Variants in FOXN4 observed in about 807,000 individuals in gnomAD.
The protein encoded by FOXN4 is forkhead box N4, also known as forkhead box protein N4.
In FOXN4, 12 loss-of-function variants were observed where a neutral mutation model predicts 45.0. That is an observed-to-expected ratio of 0.27 (90% CI 0.17 to 0.43). FOXN4 has a LOEUF of 0.43. Among genes scored for constraint, FOXN4 ranks in the 20% least tolerant of loss-of-function variants. FOXN4 has a pLI of 1.00. For synonymous variants in FOXN4, 297 were observed against 295.0 expected, an observed-to-expected ratio of 1.01 and a Z score of -0.07; for missense variants, 560 against 694.9, an observed-to-expected ratio of 0.81 and a Z score of 2.18.
chr12:109,290,121 T>A lies in FOXN4; in HGVS notation c.232+20A>T, dbSNP rs1316504106. ...CTCCTATATCACCCTCCTCCCTGCC[T>A]ACCTTGTCCCTGAGCCTACCTGGGT... is the stretch of plus-strand genomic sequence containing the variant. On this transcript the variant is annotated intron_variant, in intron 3 of 9. Transcript: ENST00000299162. The surrounding 1 kb of genome is among the most constrained non-coding windows in gnomAD (Gnocchi z 5.1). 6.5e-7 allele frequency: 1 copy of A among 1,530,098 alleles called. No homozygotes were observed. Among genetic ancestry groups the A allele is most frequent in the Non-Finnish European group, 8.8e-7 (1 of 1,134,728 alleles). 94.8% of individuals were successfully genotyped at this position (1,530,098 alleles called of 1,614,324 possible).
At position 109,285,375 on chromosome 12, in the gene FOXN4, T is replaced by C. The variant is rs1165912939; in HGVS notation, c.830A>G (p.Lys277Arg). ...CCACTTGTGCATCTCCTCCTCCATC[T>C]TGTCGATGCGGGCCAGGTTCAGAGC... ...LWALNLARID[K>R]MEEEMHKWKR... Residue 277 changes from lysine to arginine, a missense_variant, in exon 8 of 10, where the codon AAG becomes AGG. Coordinates refer to ENST00000299162, the MANE Select transcript of FOXN4 (RefSeq NM_213596.3). 2.5e-6 allele frequency: 4 copies of C among 1,613,990 alleles called. No homozygotes were observed. The highest frequency in any genetic ancestry group is 2.5e-6 in the Non-Finnish European group (3 of 1,179,882).
At position 109,283,440 on chromosome 12, in the gene FOXN4, T is replaced by C. The variant is rs1327835572; in HGVS notation, c.902-1641A>G. ...AATATGATCTTGCTGTGGATATTGA[T>C]TATAACCTGCCCCTTTTCACTTATT... On this transcript the variant is annotated intron_variant, in intron 8 of 9. Transcript: ENST00000299162. Among the ~76,000 whole-genome samples the C allele has an allele frequency of 2.0e-5, 3 of 152,038 alleles. No homozygotes were observed. In the East Asian group the frequency reaches 5.8e-4, roughly 29 times the overall value.
intron 8 of FOXN4, 21 bp from the exon 9 acceptor site, chr12:109,281,820 T>C: frequency 6.5e-7 from 1 of 1,546,590 alleles, no homozygotes; most frequent in South Asian, 1.2e-5. Flanking sequence ...GTGGGAGAGG[T>C]CACTCAGAAC....
rs912896989 is a variant in FOXN4, at chr12:109,308,211, AGTTT to A, written c.86+21_86+24del. On this transcript the variant is annotated intron_variant, in intron 2 of 9. Transcript: ENST00000299162. ...CACTTTGAGCAATTAAAAAATATAT[AGTTT>A]GTTATTGTTGGAGCCCTCACCTGTA... The A allele has an allele frequency of 1.8e-5, 28 of 1,514,488 alleles. No homozygotes were observed. The African/African-American group carries it at 3.6e-4, about 20-fold the overall frequency. The allele number at this position is 1,514,488 out of a possible 1,614,324, so 93.8% of individuals were successfully genotyped here. A position where few individuals can be genotyped will look rare whatever the true frequency, so the allele number is the denominator to read the frequency against.
Position 109,281,810 on chromosome 12 carries a change from G to A in FOXN4, c.902-11C>T, listed in dbSNP as rs2047656105. 4.5e-6 allele frequency: 7 copies of A among 1,553,578 alleles called. No individual in the cohort carries two copies. The highest frequency in any genetic ancestry group is 6.1e-6 in the Non-Finnish European group (7 of 1,154,090). ...GCTTGTCCAACTCCTCTGCAGGCAAGTGGGAGAGGTCACTCAGAACCCACC... is the reference window on the plus strand; with the variant it reads ...GCTTGTCCAACTCCTCTGCAGGCAAATGGGAGAGGTCACTCAGAACCCACC... On this transcript the variant is annotated splice_polypyrimidine_tract_variant and intron_variant, in intron 8 of 9. Coordinates refer to ENST00000299162, the MANE Select transcript of FOXN4 (RefSeq NM_213596.3).
chr12:109,296,723 C>T (rs1437382689), intron 2 of FOXN4, among the ~76,000 whole-genome samples: 2 of 152,172 alleles, frequency 1.3e-5, no homozygotes, highest in Non-Finnish European at 2.9e-5. Context: ...CTCCCAGTGC[C>T]CAGCACAGGG....
chr12:109,293,057 G>T (rs1214457549), intron 2 of FOXN4, among the ~76,000 whole-genome samples: 1 of 151,992 alleles, frequency 6.6e-6, no homozygotes, highest in Non-Finnish European at 1.5e-5. Context: ...CTTTGCATTT[G>T]CCGTTCCCCT....
chr12:109,285,273 G>T, intron 8 of FOXN4, 31 bp downstream of exon 8: 1 of 1,489,282 alleles, frequency 6.7e-7, no homozygotes, highest in Non-Finnish European at 9.1e-7. Flanking sequence ...GTGTGTGTGT[G>T]TGCGCGCACT....
In FOXN4 at chr12:109,287,342, A is replaced by G. The variant is rs1262290389; in HGVS notation, c.596+55T>C. ...TCTGAGATGCCCTGAGGGCAGCCTC[A>G]TCCCTCTCTCCCGGAGCCGCCCTTG... On this transcript the variant is annotated intron_variant, in intron 6 of 9. Coordinates refer to ENST00000299162, the MANE Select transcript of FOXN4 (RefSeq NM_213596.3). The surrounding 1 kb of genome is among the most constrained non-coding windows in gnomAD (Gnocchi z 4.1). 16 of 1,546,382 alleles carry G rather than the reference A, an allele frequency of 1.0e-5. No homozygotes were observed. The highest frequency in any genetic ancestry group is 7.0e-6 in the Non-Finnish European group (8 of 1,143,688).
In FOXN4 at chr12:109,289,179, A is replaced by C. The variant is rs892703487; in HGVS notation, c.232+962T>G. Among the ~76,000 whole-genome samples, 11 of 152,364 alleles carry C rather than the reference A, an allele frequency of 7.2e-5. No homozygotes were observed. In the East Asian group the frequency reaches 2.1e-3, roughly 29 times the overall value. The stretch of plus-strand genomic sequence containing the variant: ...AGATGTGGAAACCAGTCAGGGCAGA[A>C]AGCACTTGGCTGAGATCACACAGCT... On this transcript the variant is annotated intron_variant, in intron 3 of 9. Coordinates refer to ENST00000299162, the MANE Select transcript of FOXN4 (RefSeq NM_213596.3).
intron 3 of FOXN4, among the ~76,000 whole-genome samples, chr12:109,289,456 C>T (rs1434644489): frequency 1.3e-5 from 2 of 152,182 alleles, no homozygotes; most frequent in Non-Finnish European, 2.9e-5. Context: ...GAACGATTTG[C>T]CCAATGAAAT....
At chr12:109,295,301 A>G (rs1268656404) in intron 2 of FOXN4, among the ~76,000 whole-genome samples, 1 of 152,200 alleles carries the variant, frequency 6.6e-6, no homozygotes, top group Admixed American at 6.5e-5. Flanking sequence ...AATTCAAAGA[A>G]AAAGGCACAT....
At chr12:109,283,186 A>T (rs1461115093) in intron 8 of FOXN4, among the ~76,000 whole-genome samples, 1 of 152,026 alleles carries the variant, frequency 6.6e-6, no homozygotes, top group Non-Finnish European at 1.5e-5. Context: ...TTTTTTTTTT[A>T]AAAGCAGATG....
intron 2 of FOXN4, among the ~76,000 whole-genome samples, chr12:109,296,433 C>T (rs1483930236): frequency 1.3e-5 from 2 of 152,236 alleles, no homozygotes; most frequent in Non-Finnish European, 2.9e-5. Flanking sequence ...CAAAGGATGC[C>T]TTTCCTTCTC....
intron 7 of FOXN4, among the ~76,000 whole-genome samples, chr12:109,286,016 C>A (rs766489210): frequency 5.3e-5 from 8 of 152,066 alleles, no homozygotes; most frequent in Non-Finnish European, 8.8e-5. Flanking sequence ...CAGTCGTGCA[C>A]CACCAGCAAA....
chr12:109,281,949 G>A (rs1027248008), intron 8 of FOXN4, 150 bp from the exon 9 acceptor site: 2 of 898,294 alleles, frequency 2.2e-6, no homozygotes, highest in African/African-American at 1.7e-5. Context: ...CCTATGAAAT[G>A]ACACAGGCAT....
At chr12:109,294,688 T>A (rs1353046413) in intron 2 of FOXN4, among the ~76,000 whole-genome samples, 1 of 152,166 alleles carries the variant, frequency 6.6e-6, no homozygotes, top group Non-Finnish European at 1.5e-5. Context: ...TCTCTGGCAT[T>A]CAGGCATGTC....
intron 7 of FOXN4, 23 bp from the exon 8 acceptor site, chr12:109,285,534 AG>A (rs1190534410): frequency 1.9e-6 from 3 of 1,613,234 alleles, no homozygotes; most frequent in Non-Finnish European, 2.5e-6. Flanking sequence ...ATGGGCATTC[AG>A]AGGCCTCCCT....
intron 2 of FOXN4, among the ~76,000 whole-genome samples, chr12:109,299,006 G>C (rs2047844064): frequency 6.6e-6 from 1 of 152,194 alleles, no homozygotes; most frequent in Admixed American, 6.5e-5. Flanking sequence ...CATCAGATCA[G>C]ATGAGGCATC....
Sources: allele counts gnomAD v4.1 joint callset (sites outside exome capture counted in the v4.1 genomes callset), GRCh38; gene constraint gnomAD v4.1.1; non-coding constraint Gnocchi (gnomAD v3.1); transcripts MANE v1.5; gene names NCBI Gene and HGNC (gene_info 2026-07-23, HGNC 2026-07-21).